AGMO: variants seen among roughly 807,000 people sequenced by gnomAD.
The protein encoded by AGMO is alkylglycerol monooxygenase.
AGMO carries 75 observed loss-of-function variants against 60.2 expected under a neutral mutation model. That is an observed-to-expected ratio of 1.25 (90% CI 1.03 to 1.51). AGMO has a LOEUF of 1.51. Ranked by LOEUF, AGMO falls within the 40% of genes most tolerant of loss-of-function variation. AGMO has a pLI of 0.00. For synonymous variants in AGMO, 261 were observed against 177.1 expected (o/e 1.47, Z -3.76); for missense variants, 763 against 525.5 (o/e 1.45, Z -4.42).
chr7:15,202,487 A>AAAAAAAAAAAC (rs1781322160), intron 12 of AGMO, among the ~76,000 whole-genome samples: 1 of 139,366 alleles, frequency 7.2e-6, no homozygotes, highest in African/African-American at 2.7e-5. Context: ...AAAAAAAAAA[A>AAAAAAAAAAAC]AACCCTCCCA....
intron 12 of AGMO, among the ~76,000 whole-genome samples, chr7:15,210,773 G>A (rs1467898848): frequency 1.3e-5 from 2 of 151,862 alleles, no homozygotes; most frequent in Admixed American, 6.6e-5. Context: ...TTGTTTCTGT[G>A]ATAATTTTCT....
At chr7:15,327,625 A>C (rs1372382327) in intron 12 of AGMO, among the ~76,000 whole-genome samples, 1 of 152,144 alleles carries the variant, frequency 6.6e-6, no homozygotes, top group Non-Finnish European at 1.5e-5. Flanking sequence ...TGGGAACTAT[A>C]AACGACAATG....
At chr7:15,531,097 A>C (rs190021072) in intron 3 of AGMO, among the ~76,000 whole-genome samples, 1 of 47,220 alleles carries the variant, frequency 2.1e-5, no homozygotes, top group Non-Finnish European at 3.6e-5. Context: ...TATATATTCT[A>C]TATATATTCT....
At chr7:15,440,589 C>G (rs920417748) in intron 3 of AGMO, among the ~76,000 whole-genome samples, 1 of 152,086 alleles carries the variant, frequency 6.6e-6, no homozygotes, top group Non-Finnish European at 1.5e-5. Flanking sequence ...TTAGGTGTTA[C>G]AGATAGGTAG....
chr7:15,371,922 T>C (rs1189182066), intron 10 of AGMO, among the ~76,000 whole-genome samples: 1 of 75,074 alleles, frequency 1.3e-5, no homozygotes, highest in Non-Finnish European at 3.0e-5. Context: ...AATTATTAAG[T>C]GTTTCTAAAT....
intron 3 of AGMO, among the ~76,000 whole-genome samples, chr7:15,544,213 C>G (rs1376333514): frequency 1.4e-5 from 2 of 146,098 alleles, no homozygotes; most frequent in Non-Finnish European, 3.0e-5. Flanking sequence ...ACTTTAGAGA[C>G]TAGGGGGAGA....
chr7:15,345,841 C>T (rs1782013739), intron 12 of AGMO, among the ~76,000 whole-genome samples: 1 of 152,070 alleles, frequency 6.6e-6, no homozygotes, highest in Non-Finnish European at 1.5e-5. Context: ...CCCTCTATTC[C>T]TCATTACTAC....
At chr7:15,411,533 T>G (rs1780605710) in intron 5 of AGMO, among the ~76,000 whole-genome samples, 2 of 152,070 alleles carry the variant, frequency 1.3e-5, no homozygotes, top group Non-Finnish European at 2.9e-5. Flanking sequence ...TTAAAAAGCA[T>G]GAGATGACTA....
chr7:15,320,196 G>A (rs1296470479), intron 12 of AGMO, among the ~76,000 whole-genome samples: 1 of 151,702 alleles, frequency 6.6e-6, no homozygotes, highest in African/African-American at 2.4e-5. Flanking sequence ...CACCACCACG[G>A]CACACGTATA....
At chr7:15,511,621 G>T (rs1422881053) in intron 3 of AGMO, among the ~76,000 whole-genome samples, 2 of 152,242 alleles carry the variant, frequency 1.3e-5, no homozygotes, top group South Asian at 4.1e-4. Context: ...TTTGCTAAGA[G>T]AATAGATCTT....
intron 12 of AGMO, among the ~76,000 whole-genome samples, chr7:15,292,206 T>C (rs943145392): frequency 6.6e-6 from 1 of 152,152 alleles, no homozygotes; most frequent in Non-Finnish European, 1.5e-5. Flanking sequence ...ATTCTTCATC[T>C]TGGCTAAACA....
chr7:15,456,058 T>A (rs1449575887), intron 3 of AGMO, among the ~76,000 whole-genome samples: 1 of 152,102 alleles, frequency 6.6e-6, no homozygotes, highest in Non-Finnish European at 1.5e-5. Context: ...CCTCTTGCAC[T>A]AATTCTCTAG....
intron 12 of AGMO, among the ~76,000 whole-genome samples, chr7:15,211,222 T>A (rs566068105): frequency 5.2e-4 from 79 of 152,170 alleles, no homozygotes; most frequent in African/African-American, 1.9e-3. Context: ...ATTGACTTAC[T>A]TTTTTAAATT....
chr7:15,548,174 G>A (rs374336798), intron 2 of AGMO, among the ~76,000 whole-genome samples: 2,807 of 152,088 alleles, frequency 0.018, 37 homozygotes, highest in African/African-American at 0.046. Context: ...GTACATCACC[G>A]TCATCAAAGA....
chr7:15,432,314 GTGTGTGTATATATGTATATATATATA>G (rs1781266097), intron 3 of AGMO, among the ~76,000 whole-genome samples: 3 of 121,540 alleles, frequency 2.5e-5, no homozygotes, highest in Non-Finnish European at 3.5e-5. Flanking sequence ...TCATATATAT[GTGTGTGTATATATGTATATATATATA>G]TATATACATA....
intron 3 of AGMO, among the ~76,000 whole-genome samples, chr7:15,493,500 C>A (rs542087499): frequency 0.011 from 1,600 of 149,970 alleles, 25 homozygotes; most frequent in African/African-American, 0.034. Flanking sequence ...CAGCCTCCCG[C>A]GTAGCTGGGT....
intron 3 of AGMO, among the ~76,000 whole-genome samples, chr7:15,435,682 T>C (rs985724517): frequency 3.3e-5 from 5 of 152,168 alleles, no homozygotes; most frequent in African/African-American, 9.6e-5. Flanking sequence ...AATAGTGTCA[T>C]ACAAAGAACA....
chr7:15,214,695 T>C (rs1048652999), intron 12 of AGMO, among the ~76,000 whole-genome samples: 5 of 152,032 alleles, frequency 3.3e-5, no homozygotes, highest in Non-Finnish European at 7.4e-5. Context: ...ATTTTTAATA[T>C]TGAACCTTAT....
At chr7:15,390,781 G>C (rs1487353246) in intron 7 of AGMO, 31 bp from the exon 8 acceptor site, 1 of 1,591,348 alleles carries the variant, frequency 6.3e-7, no homozygotes, top group Non-Finnish European at 8.6e-7. Context: ...TATGAGATTT[G>C]GCTTCCTGTA....
Sources: allele counts gnomAD v4.1 joint callset (sites outside exome capture counted in the v4.1 genomes callset), GRCh38; gene constraint gnomAD v4.1.1; transcripts MANE v1.5; gene names NCBI Gene and HGNC (gene_info 2026-07-23, HGNC 2026-07-21).